RBFOX1: variants seen among roughly 807,000 people sequenced by gnomAD.
RBFOX1 encodes RNA binding fox-1 homolog 1.
Under a neutral mutation model 57.7 loss-of-function variants are expected in RBFOX1, and 8 were observed. The ratio of observed to expected loss-of-function variants is 0.14; its 90% CI spans 0.08 to 0.25. RBFOX1 has a LOEUF of 0.25. Among genes scored for constraint, RBFOX1 ranks in the 10% least tolerant of loss-of-function variants. RBFOX1 has a pLI of 1.00. For missense variants in RBFOX1, 611 were observed against 548.5 expected, an observed-to-expected ratio of 1.11 and a Z score of -1.14; for synonymous variants, 326 against 222.4, an observed-to-expected ratio of 1.47 and a Z score of -4.15.
At chr16:7,218,431 T>C (rs184222318) in intron 4 of RBFOX1, among the ~76,000 whole-genome samples, 1 of 152,112 alleles carries the variant, frequency 6.6e-6, no homozygotes, top group Admixed American at 6.6e-5. Context: ...GGGTGAGAGA[T>C]TTAAAGCCAT....
intron 4 of RBFOX1, among the ~76,000 whole-genome samples, chr16:6,005,456 A>G (rs1189274967): frequency 6.6e-6 from 1 of 152,266 alleles, no homozygotes; most frequent in Non-Finnish European, 1.5e-5. Context: ...CTCATGGTCT[A>G]GCTGGGAAGA....
chr16:5,495,227 C>T (rs2042963928), intron 2 of RBFOX1, among the ~76,000 whole-genome samples: 1 of 152,200 alleles, frequency 6.6e-6, no homozygotes, highest in African/African-American at 2.4e-5. Flanking sequence ...AATTAACTTC[C>T]ACCTTGAAGC....
At chr16:6,117,869 A>C (rs369106090) in intron 1 of RBFOX1, among the ~76,000 whole-genome samples, 16 of 152,348 alleles carry the variant, frequency 1.1e-4, no homozygotes, top group African/African-American at 3.6e-4. Context: ...CTAATGATCT[A>C]GTTTCCTTCC....
intron 3 of RBFOX1, among the ~76,000 whole-genome samples, chr16:5,734,066 A>AGGGTGT (rs1312926336): frequency 2.6e-5 from 4 of 152,132 alleles, no homozygotes; most frequent in African/African-American, 9.7e-5. Context: ...GCACTTTCCC[A>AGGGTGT]GGGTGTTTAT....
At position 6,751,724 on chromosome 16, in the gene RBFOX1, G is replaced by T. The variant is rs182110345; in HGVS notation, c.-16+97074G>T. Reference sequence around the variant, plus strand: ...AGTATACAAGCAGATAGAGCCAGAAGCGGCATTTCCAGGAATTGAACCTGC... The same window carrying T: ...AGTATACAAGCAGATAGAGCCAGAATCGGCATTTCCAGGAATTGAACCTGC... On this transcript the variant is annotated intron_variant, in intron 3 of 15. Coordinates refer to ENST00000550418, the MANE Select transcript of RBFOX1 (RefSeq NM_018723.4). Among the ~76,000 whole-genome samples, 5 of 152,260 alleles carry T rather than the reference G, an allele frequency of 3.3e-5. No individual in the cohort carries two copies. In the East Asian group the frequency reaches 5.8e-4, roughly 18 times the overall value.
chr16:6,405,899 C>T (rs915438037), intron 2 of RBFOX1, among the ~76,000 whole-genome samples: 2 of 152,190 alleles, frequency 1.3e-5, no homozygotes, highest in African/African-American at 2.4e-5. Context: ...AACCTCCTTT[C>T]CACAGAATAA....
At chr16:7,141,423 G>C (rs1038157883) in intron 4 of RBFOX1, among the ~76,000 whole-genome samples, 1 of 151,184 alleles carries the variant, frequency 6.6e-6, no homozygotes, top group Admixed American at 6.6e-5. Flanking sequence ...AGACCTTATC[G>C]CATGATTGTT....
chr16:7,133,463 G>C (rs965699401), intron 4 of RBFOX1, among the ~76,000 whole-genome samples: 1 of 152,112 alleles, frequency 6.6e-6, no homozygotes, highest in Non-Finnish European at 1.5e-5. Flanking sequence ...ATAAAAGCAA[G>C]GTTTTTAGAG....
At chr16:6,575,249 C>G (rs1221383690) in intron 2 of RBFOX1, among the ~76,000 whole-genome samples, 1 of 152,094 alleles carries the variant, frequency 6.6e-6, no homozygotes, top group African/African-American at 2.4e-5. Flanking sequence ...TAATTACATC[C>G]TAGTGTCTAA....
chr16:5,684,357 T>C (rs2050438681), intron 3 of RBFOX1, among the ~76,000 whole-genome samples: 1 of 152,148 alleles, frequency 6.6e-6, no homozygotes, highest in African/African-American at 2.4e-5. Flanking sequence ...AGCTGTGGAA[T>C]TCAAAGGTCA....
intron 4 of RBFOX1, among the ~76,000 whole-genome samples, chr16:7,417,715 T>C (rs1050562962): frequency 2.0e-5 from 3 of 152,176 alleles, no homozygotes; most frequent in Non-Finnish European, 4.4e-5. Flanking sequence ...CCTTAATGTG[T>C]TCTCCATCTT....
chr16:6,685,661 C>T (rs540542349), intron 3 of RBFOX1, among the ~76,000 whole-genome samples: 1 of 151,988 alleles, frequency 6.6e-6, no homozygotes, highest in African/African-American at 2.4e-5. Context: ...GTCATCCATA[C>T]TTATTGTAGA....
At position 6,812,346 on chromosome 16, in the gene RBFOX1, A is replaced by C. The variant is rs149710275; in HGVS notation, c.-16+157696A>C. 2.3e-3 allele frequency among the ~76,000 whole-genome samples: 346 copies of C among 152,280 alleles called. 3 individuals are homozygous for C. Among genetic ancestry groups the C allele is most frequent in the African/African-American group, 7.8e-3 (326 of 41,572 alleles). Reference sequence around the variant, plus strand: ...GGAAACACAATGCAAAGTGCCAATTAGCACTGCAAAGTTTTGGTTCAGTTT... The same window carrying C: ...GGAAACACAATGCAAAGTGCCAATTCGCACTGCAAAGTTTTGGTTCAGTTT... On this transcript the variant is annotated intron_variant, in intron 3 of 15. Transcript: ENST00000550418.
chr16:6,535,307 A>G (rs1599133289), intron 2 of RBFOX1, among the ~76,000 whole-genome samples: 1 of 152,220 alleles, frequency 6.6e-6, no homozygotes, highest in Non-Finnish European at 1.5e-5. Flanking sequence ...CACACTGGAA[A>G]AAGTGAACCC....
In RBFOX1 at chr16:5,853,692, G is replaced by A. The variant is rs529396192; in HGVS notation, c.319-13611G>A. On this transcript the variant is annotated intron_variant, in intron 3 of 19. Transcript: ENST00000641259. ...GTTCAGGATGTGAAGTCCTGTAGAC[G>A]AGGGAGGTGTGGGGGATAGAGAGGC... Among the ~76,000 whole-genome samples, 11 of 152,340 alleles carry A rather than the reference G, an allele frequency of 7.2e-5. No homozygotes were observed. The South Asian group carries it at 2.1e-3, about 29-fold the overall frequency.
intron 3 of RBFOX1, among the ~76,000 whole-genome samples, chr16:5,692,048 C>A (rs563522098): frequency 1.5e-4 from 23 of 152,174 alleles, no homozygotes; most frequent in Non-Finnish European, 2.6e-4. Flanking sequence ...CTGTGTACAT[C>A]CCCAAATGAC....
intron 3 of RBFOX1, among the ~76,000 whole-genome samples, chr16:6,714,454 A>T (rs113257695): frequency 3.3e-5 from 5 of 152,244 alleles, no homozygotes; most frequent in African/African-American, 1.2e-4. Context: ...GCTTTATCCC[A>T]CTACGGGATC....
Position 7,650,291 on chromosome 16 carries a change from A to C in RBFOX1, c.758-3524A>C, listed in dbSNP as rs927939708. Among the ~76,000 whole-genome samples the C allele has an allele frequency of 2.6e-5, 4 of 151,428 alleles. No individual in the cohort carries two copies. The East Asian group carries it at 7.9e-4, about 30-fold the overall frequency. On this transcript the variant is annotated intron_variant, in intron 11 of 15. Transcript: ENST00000550418. ...CCTTTCTCCATGAAGCCTCTGGCCC[A>C]AAGCATGACCTGTGGAACTCTCTTT...
rs1456516423 is a variant in RBFOX1, at chr16:6,888,989, C to G, written c.-15-163068C>G. Among the ~76,000 whole-genome samples the G allele has an allele frequency of 2.6e-5, 4 of 152,282 alleles. No homozygotes were observed. In the East Asian group the frequency reaches 5.8e-4, roughly 22 times the overall value. On this transcript the variant is annotated intron_variant, in intron 3 of 15. Transcript: ENST00000550418. ...AGACACAGCTTTTCTGTTTCTTAAG[C>G]CTGTCCTTCCACTTAGATTGCAAAT...
Sources: gnomAD v4.1 joint callset for allele counts (sites outside exome capture counted in the v4.1 genomes callset) on GRCh38, gnomAD v4.1.1 for gene constraint, MANE v1.5 for transcripts, NCBI Gene and HGNC (gene_info 2026-07-23, HGNC 2026-07-21) for gene names.